ARID4B: variants seen among roughly 807,000 people sequenced by gnomAD.
The protein encoded by ARID4B is AT-rich interactive domain-containing protein 4B.
Under a neutral mutation model 147.5 loss-of-function variants are expected in ARID4B, and 26 were observed. That is an observed-to-expected ratio of 0.18 (90% CI 0.13 to 0.24). The LOEUF (loss-of-function observed/expected upper bound fraction) is 0.24. Ranked by LOEUF, ARID4B falls within the 10% of genes least tolerant of loss-of-function variation. The pLI is 1.00. For synonymous variants in ARID4B, 512 were observed against 507.9 expected (o/e 1.01, Z -0.11); for missense variants, 1,179 against 1,511.5 (o/e 0.78, Z 3.65).
intron 2 of ARID4B, among the ~76,000 whole-genome samples, chr1:235,274,027 A>G (rs548531366): frequency 6.6e-6 from 1 of 152,176 alleles, no homozygotes; most frequent in Non-Finnish European, 1.5e-5. Flanking sequence ...GTAATTGCAG[A>G]AACTGAAATT....
intron 2 of ARID4B, among the ~76,000 whole-genome samples, chr1:235,321,195 TAAAC>T (rs1381749910): frequency 2.6e-5 from 4 of 152,156 alleles, no homozygotes; most frequent in African/African-American, 9.7e-5. Flanking sequence ...TTAATTACAA[TAAAC>T]AAAGATTTAG....
intron 19 of ARID4B, among the ~76,000 whole-genome samples, chr1:235,188,068 T>C (rs1290106612): frequency 6.6e-6 from 1 of 152,050 alleles, no homozygotes; most frequent in Non-Finnish European, 1.5e-5. Context: ...ACTGCACACA[T>C]GTGAGTGTCT....
In ARID4B at chr1:235,272,677, CAT is replaced by C. The variant is rs995397005; in HGVS notation, c.7-11927_7-11926del. ...AGTGTAGTTTATCATACTAATAAAA[CAT>C]ATGTTCACTTTTATATTATACATTT... On this transcript the variant is annotated intron_variant, in intron 2 of 23. Transcript: ENST00000264183. Among the ~76,000 whole-genome samples the C allele has an allele frequency of 2.0e-4, 31 of 151,782 alleles. 1 individual carries two copies. Among genetic ancestry groups the C allele is most frequent in the African/African-American group, 7.2e-4 (30 of 41,452 alleles).
intron 8 of ARID4B, among the ~76,000 whole-genome samples, chr1:235,234,887 A>C (rs1429201291): frequency 1.3e-5 from 2 of 152,254 alleles, no homozygotes; most frequent in African/African-American, 2.4e-5. Context: ...ATTAATTCTT[A>C]GGATAAAATC....
chr1:235,254,713 C>T (rs1404761221), intron 5 of ARID4B, among the ~76,000 whole-genome samples: 2 of 151,490 alleles, frequency 1.3e-5, no homozygotes, highest in South Asian at 2.1e-4. Flanking sequence ...TATACCAAAA[C>T]TAATAAGAAA....
intron 7 of ARID4B, among the ~76,000 whole-genome samples, 177 bp downstream of exon 7, chr1:235,246,243 G>C (rs1260632647): frequency 6.6e-6 from 1 of 152,152 alleles, no homozygotes; most frequent in Non-Finnish European, 1.5e-5. Flanking sequence ...AAGTAAGGTT[G>C]GCTGAGCATG....
intron 19 of ARID4B, among the ~76,000 whole-genome samples, chr1:235,192,019 C>T (rs557545548): frequency 1.3e-5 from 2 of 152,112 alleles, no homozygotes; most frequent in South Asian, 2.1e-4. Context: ...TCACTTGAGT[C>T]GTGATAGCAC....
chr1:235,242,520 A>G (rs1394743536), intron 7 of ARID4B, among the ~76,000 whole-genome samples: 1 of 152,216 alleles, frequency 6.6e-6, no homozygotes, highest in African/African-American at 2.4e-5. Flanking sequence ...GCTTTCTCAA[A>G]GTAGCCACAG....
intron 2 of ARID4B, among the ~76,000 whole-genome samples, chr1:235,306,987 A>T (rs1386005364): frequency 1.3e-5 from 2 of 152,180 alleles, no homozygotes; most frequent in African/African-American, 4.8e-5. Context: ...AATAGTTGTA[A>T]ATTACCTGAA....
chr1:235,288,996 G>C (rs1463594726), intron 2 of ARID4B, among the ~76,000 whole-genome samples: 1 of 152,134 alleles, frequency 6.6e-6, no homozygotes, highest in Non-Finnish European at 1.5e-5. Flanking sequence ...AGTCTTGAAA[G>C]ATCCATTTAT....
At chr1:235,233,129 G>A (rs971121527) in intron 9 of ARID4B, among the ~76,000 whole-genome samples, 2 of 152,056 alleles carry the variant, frequency 1.3e-5, no homozygotes, top group South Asian at 2.1e-4. Context: ...GAGCCACCGC[G>A]CCCAGCCTAC....
intron 2 of ARID4B, among the ~76,000 whole-genome samples, chr1:235,311,802 A>G (rs1471419229): frequency 1.3e-5 from 2 of 152,084 alleles, no homozygotes; most frequent in Non-Finnish European, 2.9e-5. Context: ...AAACAAACAA[A>G]CAAACAAAAA....
chr1:235,284,710 C>G (rs1671863735), intron 2 of ARID4B, among the ~76,000 whole-genome samples: 1 of 151,994 alleles, frequency 6.6e-6, no homozygotes, highest in Non-Finnish European at 1.5e-5. Context: ...CAGCATTATT[C>G]TGATATATAA....
chr1:235,265,445 T>C (rs1325152189), intron 2 of ARID4B, among the ~76,000 whole-genome samples: 1 of 151,688 alleles, frequency 6.6e-6, no homozygotes, highest in Non-Finnish European at 1.5e-5. Context: ...ACACCTGTAA[T>C]CCCAGCACTT....
chr1:235,211,633 C>G (rs946799278), intron 17 of ARID4B, among the ~76,000 whole-genome samples: 9 of 152,120 alleles, frequency 5.9e-5, no homozygotes, highest in African/African-American at 1.9e-4. Context: ...GGCTGGAGTA[C>G]AGTGGCATGA....
rs551845069 is a variant in ARID4B, at chr1:235,220,538, A to G, written c.1171T>C (p.Tyr391His). Residue 391 changes from tyrosine (Y) to histidine (H), a missense_variant, in exon 15 of 24, where the codon TAT becomes CAT. Tyr to His is a moderately conservative substitution (Grantham distance 83). Transcript: ENST00000264183. Reference protein sequence around the residue: ...NVKCAYKKYLYGFEEYCRSAN... With the variant: ...NVKCAYKKYLHGFEEYCRSAN... ...GATCTACAGTACTCCTCAAAACCAT[A>G]TAAGTATCTGGAAACATGAAGAGAA... is the stretch of plus-strand genomic sequence containing the variant. 40 of 1,569,592 alleles carry G rather than the reference A, an allele frequency of 2.5e-5. No homozygotes were observed. The highest frequency in any genetic ancestry group is 4.8e-5 in the South Asian group (4 of 82,744).
chr1:235,246,665 C>G (rs1056758395), intron 6 of ARID4B, among the ~76,000 whole-genome samples, 154 bp from the exon 7 acceptor site: 5 of 151,900 alleles, frequency 3.3e-5, no homozygotes, highest in African/African-American at 4.8e-5. Flanking sequence ...ATAGAAAATT[C>G]TAGTTTCAAA....
chr1:235,287,399 CA>C (rs1672050159), intron 2 of ARID4B, among the ~76,000 whole-genome samples: 1 of 152,010 alleles, frequency 6.6e-6, no homozygotes, highest in East Asian at 1.9e-4. Context: ...GTTGTAGTAA[CA>C]AAGCAGAAGA....
chr1:235,276,208 GA>G (rs1671304223), intron 2 of ARID4B, among the ~76,000 whole-genome samples: 4 of 117,898 alleles, frequency 3.4e-5, no homozygotes, highest in Non-Finnish European at 7.3e-5. Context: ...AAAAAAAAAA[GA>G]TTTTTTTTTT....
Sources: allele counts gnomAD v4.1 joint callset (sites outside exome capture counted in the v4.1 genomes callset), GRCh38; gene constraint gnomAD v4.1.1; transcripts MANE v1.5; gene names NCBI Gene and HGNC (gene_info 2026-07-23, HGNC 2026-07-21).